DOCK3: variants seen among roughly 807,000 people sequenced by gnomAD.
DOCK3 encodes dedicator of cytokinesis protein 3.
DOCK3 carries 60 observed loss-of-function variants against 265.6 expected under a neutral mutation model. The observed-to-expected ratio is 0.23, with a 90% CI of 0.18 to 0.28. The LOEUF (loss-of-function observed/expected upper bound fraction) is 0.28, where lower values mean the gene tolerates loss of function less well. Among genes scored for constraint, DOCK3 ranks in the 10% least tolerant of loss-of-function variants. The pLI, the probability that DOCK3 is intolerant of heterozygous loss-of-function variation, is 1.00. For synonymous variants in DOCK3, 881 were observed against 938.0 expected (o/e 0.94, Z 1.11); for missense variants, 1,981 against 2,594.3 (o/e 0.76, Z 5.14).
intron 1 of DOCK3, among the ~76,000 whole-genome samples, chr3:50,694,796 AG>A (rs1265200275): frequency 6.6e-6 from 1 of 152,236 alleles, no homozygotes; most frequent in African/African-American, 2.4e-5. Context: ...TGGGCGGCAG[AG>A]CCAGACTCTG....
chr3:51,231,506 A>G (rs2090546853), intron 19 of DOCK3, among the ~76,000 whole-genome samples: 1 of 152,138 alleles, frequency 6.6e-6, no homozygotes, highest in African/African-American at 2.4e-5. Context: ...TTCTCTGATG[A>G]TTAGTGATAA....
At position 51,315,099 on chromosome 3, in the gene DOCK3, G is replaced by A; in HGVS notation, c.3373G>A (p.Glu1125Lys). ...CATCTTTCATGACATGATGGACTGG[G>A]AGCAGAGAAAAAATGGCAACTTCAA... ...IPIFHDMMDW[E>K]QRKNGNFKQV... is the part of the protein sequence containing the mutation. Residue 1125 changes from glutamate (E) to lysine (K), a missense_variant, in exon 32 of 53, where the codon GAG becomes AAG. Glu to Lys is a moderately conservative substitution (Grantham distance 56). This residue lies in a region of DOCK3 where 1,357 missense variants were observed against 1,866.8 expected (regional missense o/e 0.73). Coordinates refer to ENST00000266037, the MANE Select transcript of DOCK3 (RefSeq NM_004947.5). The A allele has an allele frequency of 1.2e-6, 2 of 1,610,516 alleles. No homozygotes were observed. Among genetic ancestry groups the A allele is most frequent in the Non-Finnish European group, 1.7e-6 (2 of 1,177,964 alleles).
At chr3:51,215,392 AAGTGCTGGGATTACAG>A (rs2089725196) in intron 14 of DOCK3, among the ~76,000 whole-genome samples, 1 of 152,112 alleles carries the variant, frequency 6.6e-6, no homozygotes. Context: ...CAGCCTCCCA[AAGTGCTGGGATTACAG>A]GCTTGAGCCA....
chr3:51,360,439 G>A, intron 46 of DOCK3, 72 bp from the exon 47 acceptor site: 1 of 1,530,202 alleles, frequency 6.5e-7, no homozygotes, highest in Non-Finnish European at 8.9e-7. Context: ...TCACCAGTCA[G>A]TTATTCCCTC....
intron 6 of DOCK3, among the ~76,000 whole-genome samples, chr3:51,074,940 T>TA (rs1474429582): frequency 6.6e-6 from 1 of 152,140 alleles, no homozygotes; most frequent in African/African-American, 2.4e-5. Flanking sequence ...TTTATGTGTT[T>TA]GACTTTGAAT....
intron 2 of DOCK3, among the ~76,000 whole-genome samples, chr3:50,782,532 C>T (rs1033060311): frequency 1.1e-4 from 17 of 151,374 alleles, no homozygotes; most frequent in Admixed American, 3.3e-4. Flanking sequence ...CCTCGTGATC[C>T]GCCCGCCTCG....
rs180875129 is a variant in DOCK3, at chr3:51,110,124, C to A, written c.746+19740C>A. Among the ~76,000 whole-genome samples the A allele has an allele frequency of 3.3e-5, 5 of 152,122 alleles. No homozygotes were observed. In the East Asian group the frequency reaches 9.7e-4, roughly 29 times the overall value. ...AGACTGAACTAGGAAGAAATTGAATCCCTGAACAGACAAATGACAAACTCC... is the reference window on the plus strand; with the variant it reads ...AGACTGAACTAGGAAGAAATTGAATACCTGAACAGACAAATGACAAACTCC... On this transcript the variant is annotated intron_variant, in intron 9 of 52. Transcript: ENST00000266037.
intron 27 of DOCK3, among the ~76,000 whole-genome samples, chr3:51,295,042 T>A (rs896383345): frequency 5.3e-5 from 8 of 152,188 alleles, no homozygotes; most frequent in Admixed American, 2.0e-4. Flanking sequence ...AAAATAAAAA[T>A]TTTTTAAATC....
chr3:50,793,289 A>G (rs2042585829), intron 2 of DOCK3, among the ~76,000 whole-genome samples: 1 of 145,926 alleles, frequency 6.9e-6, no homozygotes. Context: ...TTATTTGGAT[A>G]TTCACTTTTT....
intron 4 of DOCK3, among the ~76,000 whole-genome samples, chr3:50,897,577 C>T (rs1409793648): frequency 6.6e-6 from 1 of 152,204 alleles, no homozygotes; most frequent in East Asian, 1.9e-4. Context: ...AAAAGGAATG[C>T]TTCCAGCTTT....
At chr3:51,055,481 G>T (rs928741697) in intron 5 of DOCK3, among the ~76,000 whole-genome samples, 2 of 152,158 alleles carry the variant, frequency 1.3e-5, no homozygotes, top group Non-Finnish European at 2.9e-5. Context: ...TGGTGGAGTG[G>T]ATAGTTGTGC....
intron 5 of DOCK3, among the ~76,000 whole-genome samples, chr3:50,996,344 A>G (rs1449609722): frequency 1.3e-5 from 2 of 151,672 alleles, no homozygotes; most frequent in African/African-American, 4.8e-5. Context: ...CAGCCTCCCA[A>G]GTAGCTGGAA....
At chr3:51,052,521 C>G (rs2081032888) in intron 5 of DOCK3, among the ~76,000 whole-genome samples, 1 of 152,166 alleles carries the variant, frequency 6.6e-6, no homozygotes, top group African/African-American at 2.4e-5. Context: ...AATGAATGGA[C>G]TAGAGTAGAC....
chr3:50,695,791 C>T (rs942314978), intron 1 of DOCK3, among the ~76,000 whole-genome samples: 5 of 152,264 alleles, frequency 3.3e-5, no homozygotes, highest in Admixed American at 3.3e-4. Context: ...ACTTCTGACA[C>T]CATCTGTTAA....
intron 52 of DOCK3, among the ~76,000 whole-genome samples, chr3:51,380,457 TG>T (rs2110629203): frequency 6.6e-6 from 1 of 152,292 alleles, no homozygotes; most frequent in East Asian, 1.9e-4. Context: ...CAAGAGTGTG[TG>T]GGCAGTGAGC....
At chr3:51,156,566 A>G (rs1338144783) in intron 10 of DOCK3, among the ~76,000 whole-genome samples, 1 of 152,246 alleles carries the variant, frequency 6.6e-6, no homozygotes, top group African/African-American at 2.4e-5. Context: ...TTAATAAGAT[A>G]GCTTTTATAT....
At chr3:50,963,545 C>T (rs1004086682) in intron 5 of DOCK3, among the ~76,000 whole-genome samples, 7 of 152,208 alleles carry the variant, frequency 4.6e-5, no homozygotes, top group Non-Finnish European at 7.3e-5. Flanking sequence ...ATATAGACTT[C>T]TGCTTCTGCC....
intron 2 of DOCK3, among the ~76,000 whole-genome samples, chr3:50,817,909 A>G (rs918039358): frequency 1.1e-4 from 16 of 152,216 alleles, no homozygotes; most frequent in Non-Finnish European, 2.2e-4. Flanking sequence ...TTTTTGCTTC[A>G]ACCCCAGCCC....
chr3:50,690,952 T>C (rs1168605539), intron 1 of DOCK3, among the ~76,000 whole-genome samples: 2 of 151,550 alleles, frequency 1.3e-5, no homozygotes, highest in Non-Finnish European at 2.9e-5. Flanking sequence ...CTACTTCCTA[T>C]CTCCGTGATT....
Sources: gnomAD v4.1 joint callset for allele counts (sites outside exome capture counted in the v4.1 genomes callset) on GRCh38, gnomAD v4.1.1 for gene constraint, gnomAD v4.1.1 regional missense constraint, MANE v1.5 for transcripts, NCBI Gene and HGNC (gene_info 2026-07-23, HGNC 2026-07-21) for gene names.